Variants in LYZ observed in about 807,000 individuals in gnomAD.
The protein encoded by LYZ is lysozyme.
Under a neutral mutation model 15.8 loss-of-function variants are expected in LYZ, and 18 were observed. The observed-to-expected ratio is 1.14, with a 90% CI of 0.79 to 1.69. The LOEUF is 1.69. Among genes scored for constraint, LYZ ranks in the 40% most tolerant of loss-of-function variants. The pLI, the probability that LYZ is intolerant of heterozygous loss-of-function variation, is 0.00. For missense variants in LYZ, 139 were observed against 182.8 expected, an observed-to-expected ratio of 0.76 and a Z score of 1.38; for synonymous variants, 60 against 61.7, an observed-to-expected ratio of 0.97 and a Z score of 0.13.
intron 1 of LYZ, 109 bp downstream of exon 1, chr12:69,348,653 G>T: frequency 2.2e-6 from 3 of 1,372,838 alleles, no homozygotes; most frequent in South Asian, 2.5e-5. Context: ...TTATTTCTTT[G>T]TGGGTTTGTA....
chr12:69,353,056 T>A, intron 3 of LYZ, 97 bp from the exon 4 acceptor site: 2 of 838,546 alleles, frequency 2.4e-6, no homozygotes, highest in Non-Finnish European at 4.2e-6. Flanking sequence ...TTTTATCTAT[T>A]GATAAAATAT....
In LYZ at chr12:69,350,737, CTTTTTTTTTTTTTTTTTTT is replaced by C. The variant is rs60163961; in HGVS notation, c.301+479_301+497del. The stretch of plus-strand genomic sequence containing the variant: ...TTTGCCATAGTTGCTTCTTCTATGC[CTTTTTTTTTTTTTTTTTTT>C]TTTTTTTTTTTTTGCTGAGAGTTTT... On this transcript the variant is annotated intron_variant, in intron 2 of 3. Transcript: ENST00000261267. Among the ~76,000 whole-genome samples, 80 of 26,056 alleles carry C rather than the reference CTTTTTTTTTTTTTTTTTTT, an allele frequency of 3.1e-3. 2 individuals carry two copies. The highest frequency in any genetic ancestry group is 7.7e-3 in the African/African-American group (76 of 9,932). 17.1% of individuals were successfully genotyped at this position (26,056 alleles called of 152,430 possible). A position where few individuals can be genotyped will look rare whatever the true frequency, so the allele number is the denominator to read the frequency against.
chr12:69,352,134 A>T, intron 2 of LYZ, 86 bp from the exon 3 acceptor site: 1 of 844,460 alleles, frequency 1.2e-6, no homozygotes, highest in Non-Finnish European at 2.0e-6. Flanking sequence ...CATTCTTTCC[A>T]CAGCCTAACA....
intron 2 of LYZ, chr12:69,350,574 G>A: frequency 3.0e-6 from 1 of 328,052 alleles, no homozygotes; most frequent in Non-Finnish European, 5.8e-6. Context: ...GGGAGGTTTT[G>A]GGATAATTTA....
At chr12:69,351,115 C>T (rs2120830138) in intron 2 of LYZ, among the ~76,000 whole-genome samples, 1 of 152,186 alleles carries the variant, frequency 6.6e-6, no homozygotes, top group South Asian at 2.1e-4. Flanking sequence ...GATGATATTC[C>T]ATTTCTAAAT....
At position 69,350,204 on chromosome 12, in the gene LYZ, A is replaced by G. The variant is rs759489268; in HGVS notation, c.233A>G (p.Asn78Ser). 5 of 1,614,178 alleles carry G rather than the reference A, an allele frequency of 3.1e-6. No individual in the cohort carries two copies. Among genetic ancestry groups the G allele is most frequent in the Non-Finnish European group, 3.4e-6 (4 of 1,180,012 alleles). ...RSTDYGIFQI[N>S]SRYWCNDGKT... is the part of the protein sequence containing the mutation. ...ACTGATTATGGGATATTTCAGATCA[A>G]TAGCCGCTACTGGTGTAATGATGGC... Residue 78 changes from asparagine to serine, a missense_variant, in exon 2 of 4, where the codon AAT (asparagine) becomes AGT (serine). By Grantham distance (46) the Asn-to-Ser change is conservative. Coordinates refer to ENST00000261267, the MANE Select transcript of LYZ (RefSeq NM_000239.3).
chr12:69,350,202 C>A lies in LYZ; in HGVS notation c.231C>A (p.Ile77=). ...GCACTGATTATGGGATATTTCAGAT[C>A]AATAGCCGCTACTGGTGTAATGATG... ...DRSTDYGIFQ[I]NSRYWCNDGK... is the part of the protein sequence containing the mutation. The change falls in exon 2 of 4, where the codon ATC becomes ATA. Residue 77 remains isoleucine (I), a synonymous_variant. Transcript: ENST00000261267. The A allele has an allele frequency of 6.2e-7, 1 of 1,614,078 alleles. No individual in the cohort carries two copies. Among genetic ancestry groups the A allele is most frequent in the Non-Finnish European group, 8.5e-7 (1 of 1,179,986 alleles).
intron 3 of LYZ, 130 bp downstream of exon 3, chr12:69,352,428 A>T: frequency 1.5e-6 from 1 of 665,700 alleles, no homozygotes; most frequent in Non-Finnish European, 2.7e-6. Flanking sequence ...ATGCTAAATG[A>T]TGTATTACCT....
Position 69,353,169 on chromosome 12 carries a change from C to A in LYZ, c.397C>A (p.Arg133Ser), listed in dbSNP as rs1382183253. ...TTTCTACAGGGTGGCATGGAGAAAT[C>A]GTTGTCAAAACAGAGATGTCCGTCA... ...GIRAWVAWRN[R>S]CQNRDVRQYV... is the part of the protein sequence containing the mutation. The change falls in exon 4 of 4, where the codon CGT (arginine) becomes AGT (serine). Residue 133 changes from arginine to serine, a missense_variant. Transcript: ENST00000261267. The A allele has an allele frequency of 6.2e-7, 1 of 1,613,904 alleles. No individual in the cohort carries two copies. Among genetic ancestry groups the A allele is most frequent in the Middle Eastern group, 1.6e-4 (1 of 6,062 alleles).
chr12:69,350,917 G>C (rs1390622152), intron 2 of LYZ, among the ~76,000 whole-genome samples: 1 of 151,726 alleles, frequency 6.6e-6, no homozygotes, highest in Non-Finnish European at 1.5e-5. Context: ...GGGACTACAG[G>C]TGTGCACCAC....
At chr12:69,350,449 A>G in intron 2 of LYZ, 177 bp downstream of exon 2, 1 of 644,732 alleles carries the variant, frequency 1.6e-6, no homozygotes, top group Non-Finnish European at 2.6e-6. Flanking sequence ...AAGTGGTATC[A>G]TAAAAGGTTG....
chr12:69,352,802 G>C (rs1262748476), intron 3 of LYZ, among the ~76,000 whole-genome samples: 1 of 152,216 alleles, frequency 6.6e-6, no homozygotes, highest in Non-Finnish European at 1.5e-5. Flanking sequence ...TTGAACCCGG[G>C]AGGTGGAGGT....
intron 1 of LYZ, among the ~76,000 whole-genome samples, chr12:69,349,661 C>T (rs1210575380): frequency 6.6e-6 from 1 of 152,082 alleles, no homozygotes; most frequent in Non-Finnish European, 1.5e-5. Flanking sequence ...ACTTGATATC[C>T]AAATTCACCT....
chr12:69,352,169 T>G (rs1177368936), intron 2 of LYZ, 51 bp from the exon 3 acceptor site: 3 of 1,354,602 alleles, frequency 2.2e-6, no homozygotes, highest in Admixed American at 1.7e-5. Flanking sequence ...AAACCTAAAT[T>G]TAAAATAAAA....
At chr12:69,348,616 A>C in intron 1 of LYZ, 72 bp downstream of exon 1, 1 of 1,569,734 alleles carries the variant, frequency 6.4e-7, no homozygotes, top group Admixed American at 1.7e-5. Flanking sequence ...AGGAAGAAGA[A>C]GAAGGGGCTT....
Position 69,350,191 on chromosome 12 carries a change from A to T in LYZ, c.220A>T (p.Ile74Leu). The T allele has an allele frequency of 6.2e-7, 1 of 1,614,158 alleles. No homozygotes were observed. Among genetic ancestry groups the T allele is most frequent in the Non-Finnish European group, 8.5e-7 (1 of 1,180,008 alleles). ...NAGDRSTDYG[I>L]FQINSRYWCN... ...TGGAGACAGAAGCACTGATTATGGGATATTTCAGATCAATAGCCGCTACTG... is the reference window on the plus strand; with the variant it reads ...TGGAGACAGAAGCACTGATTATGGGTTATTTCAGATCAATAGCCGCTACTG... Residue 74 changes from isoleucine (I) to leucine (L), a missense_variant, in exon 2 of 4, where the codon ATA (isoleucine) becomes TTA (leucine). By Grantham distance (5) the Ile-to-Leu change is conservative. Coordinates refer to ENST00000261267, the MANE Select transcript of LYZ (RefSeq NM_000239.3).
chr12:69,350,455 G>A, intron 2 of LYZ, 183 bp downstream of exon 2: 1 of 626,502 alleles, frequency 1.6e-6, no homozygotes, highest in South Asian at 1.9e-5. Context: ...TATCATAAAA[G>A]GTTGATGTTT....
intron 2 of LYZ, among the ~76,000 whole-genome samples, chr12:69,351,063 A>G (rs1247049668): frequency 6.6e-6 from 1 of 152,082 alleles, no homozygotes; most frequent in Non-Finnish European, 1.5e-5. Context: ...TAGCCACTGT[A>G]CCTGGCTACT....
intron 1 of LYZ, 137 bp downstream of exon 1, chr12:69,348,681 A>AACATC (rs1248737015): frequency 4.5e-6 from 5 of 1,102,568 alleles, no homozygotes; most frequent in Non-Finnish European, 6.7e-6. Context: ...AATGGCTAAA[A>AACATC]ACATCAGTTT....
Sources: allele counts gnomAD v4.1 joint callset (sites outside exome capture counted in the v4.1 genomes callset), GRCh38; gene constraint gnomAD v4.1.1; transcripts MANE v1.5; gene names NCBI Gene and HGNC (gene_info 2026-07-23, HGNC 2026-07-21).